The following SCAPER variants were observed in gnomAD, a reference collection of about 807,000 sequenced individuals.
SCAPER encodes the protein S phase cyclin A-associated protein in the endoplasmic reticulum.
SCAPER carries 98 observed loss-of-function variants against 182.2 expected under a neutral mutation model. The ratio of observed to expected loss-of-function variants is 0.54; its 90% confidence interval spans 0.46 to 0.64. The LOEUF (loss-of-function observed/expected upper bound fraction) is 0.64, where lower values mean the gene tolerates loss of function less well. Ranked by LOEUF, SCAPER falls within the 30% of genes least tolerant of loss-of-function variation. The pLI, the probability that SCAPER is intolerant of heterozygous loss-of-function variation, is 0.00. For missense variants in SCAPER, 1,432 were observed against 1,690.0 expected (o/e 0.85, Z 2.68); for synonymous variants, 605 against 564.6 (o/e 1.07, Z -1.01).
rs113664730 is a variant in SCAPER, at chr15:76,753,372, T to C, written c.1866+436A>G. On this transcript the variant is annotated intron_variant, in intron 15 of 31. Coordinates refer to ENST00000563290, the MANE Select transcript of SCAPER (RefSeq NM_020843.4). ...TATGAGGGAAAGCCAGAGAAAACAA[T>C]AGATACTGTATGATTCCATGCACAT... Among the ~76,000 whole-genome samples the C allele has an allele frequency of 7.9e-3, 1,202 of 151,870 alleles. 11 individuals carry two copies. The highest frequency in any genetic ancestry group is 0.027 in the African/African-American group (1,139 of 41,514).
intron 15 of SCAPER, among the ~76,000 whole-genome samples, chr15:76,734,805 G>C (rs2061144569): frequency 6.6e-6 from 1 of 152,066 alleles, no homozygotes; most frequent in Non-Finnish European, 1.5e-5. Flanking sequence ...CCGGGAGGTA[G>C]GGGTTGTAGT....
intron 1 of SCAPER, among the ~76,000 whole-genome samples, chr15:76,888,880 T>C (rs2074008229): frequency 6.6e-6 from 1 of 152,108 alleles, no homozygotes; most frequent in Admixed American, 6.6e-5. Context: ...AATTGTCAGA[T>C]TCACCAAGGT....
chr15:76,672,814 G>T (rs565362027), intron 20 of SCAPER, among the ~76,000 whole-genome samples: 1 of 152,058 alleles, frequency 6.6e-6, no homozygotes, highest in East Asian at 1.9e-4. Context: ...AAAAAGAATC[G>T]CTTCTCAGCC....
In SCAPER at chr15:76,351,250, A is replaced by C; in HGVS notation, c.4086T>G (p.Pro1362=). ...ATAGAGACATACCTTTGGGTTGGTA[A>C]GGCTGGTTTTCCGCTTGACCTGGAG... is the stretch of plus-strand genomic sequence containing the variant. The part of the protein sequence containing the change: ...AQTPGQAENQ[P]YQPKGKCLGS... The change falls in exon 31 of 32, where the codon CCT becomes CCG. Residue 1362 remains proline, a synonymous_variant. Transcript: ENST00000563290. 3 of 1,610,564 alleles carry C rather than the reference A, an allele frequency of 1.9e-6. No homozygotes were observed. Among genetic ancestry groups the C allele is most frequent in the Non-Finnish European group, 2.5e-6 (3 of 1,178,334 alleles).
At chr15:76,505,682 G>C (rs1438612617) in intron 23 of SCAPER, among the ~76,000 whole-genome samples, 1 of 152,106 alleles carries the variant, frequency 6.6e-6, no homozygotes, top group Non-Finnish European at 1.5e-5. Context: ...GAATAGTTTG[G>C]AGATTTTTCA....
intron 21 of SCAPER, among the ~76,000 whole-genome samples, chr15:76,645,706 C>G (rs895431011): frequency 2.6e-5 from 4 of 152,194 alleles, no homozygotes; most frequent in Non-Finnish European, 5.9e-5. Context: ...TTATATACAT[C>G]ATTTACTTCT....
intron 25 of SCAPER, among the ~76,000 whole-genome samples, chr15:76,456,874 A>G (rs1291758865): frequency 6.6e-6 from 1 of 152,184 alleles, no homozygotes; most frequent in African/African-American, 2.4e-5. Flanking sequence ...ATACAGTGAT[A>G]TTAAATTCTA....
intron 20 of SCAPER, among the ~76,000 whole-genome samples, chr15:76,674,454 T>C (rs1412187086): frequency 6.6e-6 from 1 of 152,202 alleles, no homozygotes; most frequent in Admixed American, 6.5e-5. Context: ...TCTTTCACTA[T>C]GAACTGAATT....
intron 23 of SCAPER, among the ~76,000 whole-genome samples, chr15:76,523,749 A>C (rs560399948): frequency 1.3e-5 from 2 of 152,098 alleles, no homozygotes; most frequent in Non-Finnish European, 2.9e-5. Context: ...TACATACTTT[A>C]TATATGAAAA....
intron 15 of SCAPER, among the ~76,000 whole-genome samples, chr15:76,750,938 A>G (rs2062050572): frequency 6.6e-6 from 1 of 151,818 alleles, no homozygotes; most frequent in South Asian, 2.1e-4. Flanking sequence ...AGAAAGTAGT[A>G]AGATTATCTT....
chr15:76,836,736 T>A (rs994856755), intron 5 of SCAPER, among the ~76,000 whole-genome samples: 1 of 151,890 alleles, frequency 6.6e-6, no homozygotes, highest in Admixed American at 6.6e-5. Context: ...TAGCCGGGCG[T>A]GGTGGCAGGC....
rs1878977936 is a variant in SCAPER at position 76,876,123 on chromosome 15, G to A, written c.6+7689C>T. Reference sequence around the variant, plus strand: ...CACTCCGAGTACAGGAGCCCGCCAAGCCCACGCCCATCAGGAACTCTAGCT... The same window carrying A: ...CACTCCGAGTACAGGAGCCCGCCAAACCCACGCCCATCAGGAACTCTAGCT... On this transcript the variant is annotated intron_variant, in intron 2 of 31. Coordinates refer to ENST00000563290, the MANE Select transcript of SCAPER (RefSeq NM_020843.4). 2.0e-5 allele frequency among the ~76,000 whole-genome samples: 3 copies of A among 152,308 alleles called. No individual in the cohort carries two copies. In the South Asian group the frequency reaches 6.2e-4, roughly 32 times the overall value.
At chr15:76,466,414 T>TTCTTC (rs1383151455) in intron 25 of SCAPER, among the ~76,000 whole-genome samples, 39 of 116,236 alleles carry the variant, frequency 3.4e-4, no homozygotes, top group African/African-American at 1.3e-3. Flanking sequence ...AATTGGTTGG[T>TTCTTC]TCTTCTTTTT....
chr15:76,791,651 C>T (rs1388303104), intron 8 of SCAPER, among the ~76,000 whole-genome samples: 1 of 150,214 alleles, frequency 6.7e-6, no homozygotes, highest in Non-Finnish European at 1.5e-5. Context: ...CTGACAACTG[C>T]TAAAAAAAAA....
intron 1 of SCAPER, among the ~76,000 whole-genome samples, chr15:76,903,591 A>T (rs986361801): frequency 6.6e-6 from 1 of 152,354 alleles, no homozygotes; most frequent in East Asian, 1.9e-4. Context: ...ACACTGAATC[A>T]TCAGACATCT....
chr15:76,705,487 A>ATG (rs946909293), intron 18 of SCAPER, among the ~76,000 whole-genome samples: 1 of 151,820 alleles, frequency 6.6e-6, no homozygotes, highest in Non-Finnish European at 1.5e-5. Context: ...AGCATGGCAC[A>ATG]TGTATATATA....
intron 21 of SCAPER, among the ~76,000 whole-genome samples, chr15:76,622,059 T>C (rs1166349601): frequency 2.0e-5 from 3 of 152,044 alleles, no homozygotes; most frequent in Non-Finnish European, 4.4e-5. Flanking sequence ...AAAAAGACAG[T>C]GGAAATAACG....
At chr15:76,606,156 T>C (rs1484501037) in intron 22 of SCAPER, among the ~76,000 whole-genome samples, 5 of 152,224 alleles carry the variant, frequency 3.3e-5, no homozygotes, top group African/African-American at 9.6e-5. Flanking sequence ...TTGTGGGCAT[T>C]TAGTGCTATG....
intron 15 of SCAPER, among the ~76,000 whole-genome samples, chr15:76,750,378 T>A (rs1026247702): frequency 2.6e-5 from 4 of 151,892 alleles, no homozygotes; most frequent in Non-Finnish European, 5.9e-5. Context: ...CTGACACCAA[T>A]CCTTCTCAAA....
Sources: gnomAD v4.1 joint callset for allele counts (sites outside exome capture counted in the v4.1 genomes callset) on GRCh38, gnomAD v4.1.1 for gene constraint, MANE v1.5 for transcripts, NCBI Gene and HGNC (gene_info 2026-07-23, HGNC 2026-07-21) for gene names.